The following EPHB1 variants were observed in gnomAD, a reference collection of about 807,000 sequenced individuals.
The protein encoded by EPHB1 is EPH receptor B1.
A neutral mutation model predicts 94.4 loss-of-function variants in EPHB1; 30 were observed. The ratio of observed to expected loss-of-function variants is 0.32; its 90% confidence interval spans 0.24 to 0.43. EPHB1 has a LOEUF of 0.43. Among genes scored for constraint, EPHB1 ranks in the 20% least tolerant of loss-of-function variants. The pLI is 1.00. For synonymous variants in EPHB1, 522 were observed against 489.1 expected (o/e 1.07, Z -0.89); for missense variants, 1,055 against 1,308.3 (o/e 0.81, Z 2.99).
intron 3 of EPHB1, among the ~76,000 whole-genome samples, chr3:135,024,545 G>T (rs1399164062): frequency 6.6e-6 from 1 of 152,186 alleles, no homozygotes; most frequent in Admixed American, 6.5e-5. Flanking sequence ...GCACGTGTCT[G>T]GGGGCTCCCT....
At chr3:135,225,156 C>T (rs908467215) in intron 12 of EPHB1, among the ~76,000 whole-genome samples, 1 of 152,138 alleles carries the variant, frequency 6.6e-6, no homozygotes, top group African/African-American at 2.4e-5. Context: ...GATGCCCTGC[C>T]CCCACCTCCA....
At chr3:135,002,371 T>C (rs1237546576) in intron 3 of EPHB1, among the ~76,000 whole-genome samples, 4 of 152,232 alleles carry the variant, frequency 2.6e-5, no homozygotes, top group Non-Finnish European at 5.9e-5. Flanking sequence ...TTGAGGATTT[T>C]TGCATCAATG....
At chr3:134,800,663 C>T (rs2035918868) in intron 1 of EPHB1, among the ~76,000 whole-genome samples, 1 of 152,168 alleles carries the variant, frequency 6.6e-6, no homozygotes, top group African/African-American at 2.4e-5. Context: ...AGTCAGAAGT[C>T]CTAATAGGTC....
chr3:135,053,023 G>A lies in EPHB1; in HGVS notation c.806-53425G>A, dbSNP rs1296674520. Among the ~76,000 whole-genome samples the A allele has an allele frequency of 6.4e-3, 436 of 68,398 alleles. 14 individuals carry two copies. The highest frequency in any genetic ancestry group is 0.018 in the African/African-American group (325 of 17,614). The allele number at this position is 68,398 out of a possible 152,430, so 44.9% of individuals were successfully genotyped here. ...TGTGTGTGTATATATATGTGTGTGT[G>A]TGTGTATATATATATATATATATAT... On this transcript the variant is annotated intron_variant, in intron 3 of 15. Coordinates refer to ENST00000398015, the MANE Select transcript of EPHB1 (RefSeq NM_004441.5).
chr3:134,812,055 C>T (rs371485851), intron 1 of EPHB1, among the ~76,000 whole-genome samples: 3 of 152,182 alleles, frequency 2.0e-5, no homozygotes, highest in African/African-American at 4.8e-5. Flanking sequence ...AGTGCCTACT[C>T]GCTGAATGTC....
intron 13 of EPHB1, among the ~76,000 whole-genome samples, chr3:135,245,457 GAAAGT>G (rs1943894596): frequency 8.4e-6 from 1 of 119,632 alleles, no homozygotes; most frequent in African/African-American, 3.5e-5. Context: ...CTCTTAAAAA[GAAAGT>G]AAACACACCA....
At chr3:134,946,358 T>G (rs571452606) in intron 2 of EPHB1, among the ~76,000 whole-genome samples, 112 of 152,328 alleles carry the variant, frequency 7.4e-4, no homozygotes, top group South Asian at 1.2e-3. Flanking sequence ...CTCAGTCCTG[T>G]TCCTGCCACC....
chr3:135,061,242 A>G (rs1937493753), intron 3 of EPHB1, among the ~76,000 whole-genome samples: 1 of 152,116 alleles, frequency 6.6e-6, no homozygotes, highest in African/African-American at 2.4e-5. Flanking sequence ...AGCAGTATAC[A>G]CGGCATCCTA....
In EPHB1 at chr3:135,187,320, C is replaced by A. The variant is rs185971820; in HGVS notation, c.1883-5256C>A. Among the ~76,000 whole-genome samples the A allele has an allele frequency of 3.0e-4, 46 of 150,990 alleles. 1 individual carries two copies. In the East Asian group the frequency reaches 9.0e-3, roughly 30 times the overall value. ...CTTTAAGCGTCTGTCTTAAATATAA[C>A]GTTAATTCTTGAATTGCTGGAAATA... On this transcript the variant is annotated intron_variant, in intron 10 of 15. Transcript: ENST00000398015.
chr3:134,971,293 T>C (rs1323627274), intron 3 of EPHB1, among the ~76,000 whole-genome samples: 2 of 152,180 alleles, frequency 1.3e-5, no homozygotes, highest in Admixed American at 1.3e-4. Context: ...CAAATGGAGC[T>C]CCTCCTCTTC....
intron 1 of EPHB1, among the ~76,000 whole-genome samples, chr3:134,869,614 C>T (rs962490915): frequency 9.2e-5 from 14 of 152,198 alleles, no homozygotes; most frequent in Non-Finnish European, 1.6e-4. Context: ...GCAATTTCCA[C>T]CTCTAGCTTC....
chr3:135,057,461 G>T (rs1349159461), intron 3 of EPHB1, among the ~76,000 whole-genome samples: 1 of 152,028 alleles, frequency 6.6e-6, no homozygotes, highest in East Asian at 1.9e-4. Context: ...CTTCCCCAGT[G>T]GAAGGGCCAG....
chr3:134,889,492 A>C (rs1393149773), intron 1 of EPHB1, among the ~76,000 whole-genome samples: 1 of 152,138 alleles, frequency 6.6e-6, no homozygotes, highest in African/African-American at 2.4e-5. Context: ...ATCCCTCTGG[A>C]AAAAGAAATA....
At chr3:135,119,804 C>T (rs1486669324) in intron 4 of EPHB1, among the ~76,000 whole-genome samples, 2 of 151,872 alleles carry the variant, frequency 1.3e-5, no homozygotes, top group Non-Finnish European at 2.9e-5. Context: ...GTTCCTTCTT[C>T]CATCTGGAAC....
intron 3 of EPHB1, among the ~76,000 whole-genome samples, chr3:135,087,533 C>G (rs544003856): frequency 6.6e-6 from 1 of 152,270 alleles, no homozygotes; most frequent in East Asian, 1.9e-4. Flanking sequence ...GTTCTGTGCC[C>G]TTTATGCTGA....
At chr3:135,166,559 C>T (rs1282291854) in intron 8 of EPHB1, among the ~76,000 whole-genome samples, 1 of 152,208 alleles carries the variant, frequency 6.6e-6, no homozygotes, top group African/African-American at 2.4e-5. Flanking sequence ...GCTGCTACTG[C>T]CTTCAGTGGT....
chr3:134,803,643 C>A (rs1446346802), intron 1 of EPHB1, among the ~76,000 whole-genome samples: 1 of 152,154 alleles, frequency 6.6e-6, no homozygotes, highest in South Asian at 2.1e-4. Flanking sequence ...ATATTGGTCC[C>A]CATATCCTTT....
chr3:135,170,897 T>C (rs892069626), intron 9 of EPHB1, among the ~76,000 whole-genome samples: 1 of 152,186 alleles, frequency 6.6e-6, no homozygotes, highest in Non-Finnish European at 1.5e-5. Context: ...CCTGACAGAC[T>C]CACATCCGTG....
At chr3:135,179,654 G>T (rs1480771360) in intron 9 of EPHB1, among the ~76,000 whole-genome samples, 3 of 152,186 alleles carry the variant, frequency 2.0e-5, no homozygotes, top group African/African-American at 7.2e-5. Flanking sequence ...TGGAGGAGAA[G>T]TAGAGGACAG....
Sources: gnomAD v4.1 joint callset for allele counts (sites outside exome capture counted in the v4.1 genomes callset) on GRCh38, gnomAD v4.1.1 for gene constraint, MANE v1.5 for transcripts, NCBI Gene and HGNC (gene_info 2026-07-23, HGNC 2026-07-21) for gene names.